SEC24B: variants seen among roughly 807,000 people sequenced by gnomAD.
SEC24B encodes protein transport protein Sec24B.
In SEC24B, 45 loss-of-function variants were observed where a neutral mutation model predicts 142.8. The ratio of observed to expected loss-of-function variants is 0.32; its 90% CI spans 0.25 to 0.40. The LOEUF is 0.40. Ranked by LOEUF, SEC24B falls within the 10% of genes least tolerant of loss-of-function variation. The probability of loss-of-function intolerance (pLI) is 1.00; values close to 1 mark genes in which losing one functional copy is unlikely to be tolerated. For synonymous variants in SEC24B, 574 were observed against 568.2 expected, an observed-to-expected ratio of 1.01 and a Z score of -0.15; for missense variants, 1,409 against 1,526.8, an observed-to-expected ratio of 0.92 and a Z score of 1.29.
intron 10 of SEC24B, among the ~76,000 whole-genome samples, chr4:109,516,072 T>C (rs893025681): frequency 6.6e-6 from 1 of 152,052 alleles, no homozygotes; most frequent in African/African-American, 2.4e-5. Context: ...GTATTTATAA[T>C]ACCATCACAA....
intron 2 of SEC24B, among the ~76,000 whole-genome samples, chr4:109,470,582 G>A (rs941668751): frequency 6.6e-6 from 1 of 152,210 alleles, no homozygotes; most frequent in African/African-American, 2.4e-5. Flanking sequence ...ACATATTTGA[G>A]CTGTGGCACC....
At chr4:109,512,193 G>A (rs1197233553) in intron 9 of SEC24B, 110 bp downstream of exon 9, 2 of 1,001,788 alleles carry the variant, frequency 2.0e-6, no homozygotes, top group African/African-American at 1.6e-5. Flanking sequence ...GAATTTTCAT[G>A]CCATTTTTAG....
intron 1 of SEC24B, among the ~76,000 whole-genome samples, chr4:109,454,078 G>A (rs983737926): frequency 6.6e-5 from 10 of 152,006 alleles, no homozygotes; most frequent in African/African-American, 2.2e-4. Context: ...GGCTGGTCTC[G>A]AACTCCTGAC....
intron 2 of SEC24B, among the ~76,000 whole-genome samples, chr4:109,464,930 G>C (rs909044462): frequency 1.3e-5 from 2 of 152,174 alleles, no homozygotes; most frequent in East Asian, 1.9e-4. Context: ...GGATCCCGCT[G>C]TTCTTGGTAT....
At chr4:109,514,080 T>C (rs1737668989) in intron 10 of SEC24B, among the ~76,000 whole-genome samples, 2 of 152,248 alleles carry the variant, frequency 1.3e-5, no homozygotes, top group African/African-American at 4.8e-5. Context: ...TTCTGTCTTA[T>C]GATGGGCACT....
chr4:109,531,405 A>G lies in SEC24B; in HGVS notation c.3273A>G (p.Thr1091=). 1 of 1,613,072 alleles carries G rather than the reference A, an allele frequency of 6.2e-7. No individual in the cohort carries two copies. Among genetic ancestry groups the G allele is most frequent in the Non-Finnish European group, 8.5e-7 (1 of 1,179,306 alleles). ...TGTAGAAAGCATTTAGAACGGGTAC[A>G]AGCACACGGCTGGATGATCGTGTAT... is the stretch of plus-strand genomic sequence containing the variant. The part of the protein sequence containing the change: ...LLKQKAFRTG[T]STRLDDRVYA... Residue 1091 remains threonine, a synonymous_variant, in exon 20 of 24, where the codon ACA becomes ACG. Coordinates refer to ENST00000265175, the MANE Select transcript of SEC24B (RefSeq NM_006323.5).
At chr4:109,453,641 T>A (rs1730362995) in intron 1 of SEC24B, among the ~76,000 whole-genome samples, 1 of 152,140 alleles carries the variant, frequency 6.6e-6, no homozygotes, top group Non-Finnish European at 1.5e-5. Flanking sequence ...TGCCCAGATT[T>A]CATATTGTTT....
intron 22 of SEC24B, among the ~76,000 whole-genome samples, chr4:109,534,568 C>T (rs1725297008): frequency 1.3e-5 from 2 of 151,684 alleles, no homozygotes; most frequent in South Asian, 4.2e-4. Context: ...GCCTGGGTGA[C>T]ACAGCGAGAC....
rs1045731381 is a variant in SEC24B, at chr4:109,539,769, G to C, written c.*94G>C. ...TGAGAAATTTGAAATGAAGGCATTTGTTAATACAAGATGCAACGCACAGCA... is the reference window on the plus strand; with the variant it reads ...TGAGAAATTTGAAATGAAGGCATTTCTTAATACAAGATGCAACGCACAGCA... On this transcript the variant is annotated 3_prime_UTR_variant, in exon 24 of 24. Coordinates refer to ENST00000265175, the MANE Select transcript of SEC24B (RefSeq NM_006323.5). The C allele has an allele frequency of 1.8e-5, 14 of 788,162 alleles. No individual in the cohort carries two copies. The highest frequency in any genetic ancestry group is 2.7e-5 in the Non-Finnish European group (13 of 472,972). The allele number at this position is 788,162 out of a possible 1,614,324, so 48.8% of individuals were successfully genotyped here.
intron 22 of SEC24B, among the ~76,000 whole-genome samples, chr4:109,534,279 G>GTT (rs11392714): frequency 0.098 from 14,490 of 147,510 alleles, 769 homozygotes; most frequent in South Asian, 0.18. Context: ...AATATTTGTG[G>GTT]TTTTTTTTTT....
chr4:109,520,529 A>C (rs745597258), intron 12 of SEC24B, 45 bp downstream of exon 12: 5 of 1,076,380 alleles, frequency 4.6e-6, no homozygotes, highest in Middle Eastern at 2.0e-4. Context: ...ACGGACTTTG[A>C]AATGGGGGCT....
At chr4:109,482,979 T>TATATATCTATACACAC in intron 4 of SEC24B, among the ~76,000 whole-genome samples, 1 of 26,406 alleles carries the variant, frequency 3.8e-5, no homozygotes, top group Non-Finnish European at 7.5e-5. Context: ...TATATATATA[T>TATATATCTATACACAC]ACACACACAC....
chr4:109,434,664 G>A (rs1333495544), intron 1 of SEC24B, among the ~76,000 whole-genome samples: 2 of 152,240 alleles, frequency 1.3e-5, no homozygotes, highest in African/African-American at 4.8e-5. Context: ...TGCTGCTCAA[G>A]CTTTTGGAGT....
chr4:109,487,003 A>G (rs1280581184), intron 4 of SEC24B, among the ~76,000 whole-genome samples: 1 of 151,954 alleles, frequency 6.6e-6, no homozygotes, highest in African/African-American at 2.4e-5. Context: ...CATATCTACT[A>G]AAAATACAAA....
At chr4:109,521,062 T>G (rs570094288) in intron 12 of SEC24B, 55 bp from the exon 13 acceptor site, 2 of 1,126,598 alleles carry the variant, frequency 1.8e-6, no homozygotes, top group Admixed American at 3.8e-5. Context: ...AACTAAGATT[T>G]TCTAATGTAT....
intron 1 of SEC24B, chr4:109,449,292 T>G (rs1729807283): frequency 3.0e-6 from 1 of 336,022 alleles, no homozygotes; most frequent in Non-Finnish European, 5.9e-6. Context: ...GGCTCAATCA[T>G]GGTTCACTGA....
chr4:109,461,554 A>G (rs931170257), intron 1 of SEC24B, among the ~76,000 whole-genome samples: 2 of 152,260 alleles, frequency 1.3e-5, no homozygotes, highest in Admixed American at 6.5e-5. Context: ...GATATTCAGC[A>G]TATATTAAGT....
intron 22 of SEC24B, among the ~76,000 whole-genome samples, chr4:109,538,232 A>T (rs1725771554): frequency 6.6e-6 from 1 of 152,252 alleles, no homozygotes; most frequent in African/African-American, 2.4e-5. Context: ...ATCGTTGTTT[A>T]TGTTTTATTG....
intron 1 of SEC24B, among the ~76,000 whole-genome samples, chr4:109,448,986 A>G (rs1438345605): frequency 7.0e-6 from 1 of 142,408 alleles, no homozygotes; most frequent in South Asian, 2.2e-4. Context: ...CTGATTGGGT[A>G]TTTTGTAGAC....
Sources: allele counts gnomAD v4.1 joint callset (sites outside exome capture counted in the v4.1 genomes callset), GRCh38; gene constraint gnomAD v4.1.1; transcripts MANE v1.5; gene names NCBI Gene and HGNC (gene_info 2026-07-23, HGNC 2026-07-21).